The following DPP10 variants were observed in gnomAD, a reference collection of about 807,000 sequenced individuals.
DPP10 encodes the protein dipeptidyl peptidase like 10, also known as inactive dipeptidyl peptidase 10.
DPP10 carries 33 observed loss-of-function variants against 120.9 expected under a neutral mutation model. The observed-to-expected ratio is 0.27, with a 90% CI of 0.21 to 0.37. DPP10 has a LOEUF of 0.37. DPP10 is among the 10% of genes least tolerant of loss of function. The pLI, the probability that DPP10 is intolerant of heterozygous loss-of-function variation, is 1.00. For synonymous variants in DPP10, 337 were observed against 326.1 expected, an observed-to-expected ratio of 1.03 and a Z score of -0.36; for missense variants, 816 against 942.8, an observed-to-expected ratio of 0.87 and a Z score of 1.76.
intron 1 of DPP10, among the ~76,000 whole-genome samples, chr2:114,935,241 T>C (rs927152078): frequency 3.3e-5 from 5 of 151,622 alleles, no homozygotes; most frequent in Non-Finnish European, 5.9e-5. Flanking sequence ...CGTCATCGTT[T>C]CCCTTCTGTT....
At chr2:114,896,920 A>G (rs1013572704) in intron 1 of DPP10, among the ~76,000 whole-genome samples, 36 of 152,296 alleles carry the variant, frequency 2.4e-4, no homozygotes, top group Admixed American at 1.3e-3. Context: ...ATCAATACCT[A>G]ATTTACTGAG....
At position 114,898,420 on chromosome 2, in the gene DPP10, G is replaced by A. The variant is rs182440025; in HGVS notation, c.61-410819G>A. Among the ~76,000 whole-genome samples the A allele has an allele frequency of 2.3e-3, 351 of 151,878 alleles. 3 individuals carry two copies. The highest frequency in any genetic ancestry group is 8.0e-3 in the African/African-American group (332 of 41,390). ...GCTAAATGATGAGTTAATGGGTGCA[G>A]CACACCAACATGGCACATGTATACA... On this transcript the variant is annotated intron_variant, in intron 1 of 25. Coordinates refer to ENST00000410059, the MANE Select transcript of DPP10 (RefSeq NM_020868.6).
At chr2:115,400,826 G>A (rs1008224698) in intron 3 of DPP10, among the ~76,000 whole-genome samples, 6 of 152,136 alleles carry the variant, frequency 3.9e-5, no homozygotes, top group South Asian at 4.1e-4. Flanking sequence ...CACTCCCCAC[G>A]TCAATAGAGT....
At chr2:115,513,302 A>G (rs2077329378) in intron 4 of DPP10, among the ~76,000 whole-genome samples, 1 of 151,930 alleles carries the variant, frequency 6.6e-6, no homozygotes, top group South Asian at 2.1e-4. Flanking sequence ...TATACAGCAT[A>G]TAATTATTTT....
intron 10 of DPP10, among the ~76,000 whole-genome samples, chr2:115,748,129 T>C (rs1276836020): frequency 1.3e-5 from 2 of 152,084 alleles, no homozygotes; most frequent in Admixed American, 6.5e-5. Context: ...GTTTGTGTTG[T>C]GTTCATAGTA....
At chr2:114,495,619 A>T (rs1044011875) in intron 1 of DPP10, among the ~76,000 whole-genome samples, 1 of 152,224 alleles carries the variant, frequency 6.6e-6, no homozygotes, top group African/African-American at 2.4e-5. Flanking sequence ...TTGCAAAGGG[A>T]GGTTTTATCC....
intron 2 of DPP10, among the ~76,000 whole-genome samples, chr2:115,326,548 A>G (rs1408545475): frequency 6.6e-6 from 1 of 152,026 alleles, no homozygotes; most frequent in Non-Finnish European, 1.5e-5. Context: ...TTCAGGAGGT[A>G]TTCCAGAAGA....
rs1553475900 is a variant in DPP10 at position 115,672,642 on chromosome 2, T to TTCTTTCTC, written c.442-17042_442-17041insTTCTCTCT. 4.9e-5 allele frequency among the ~76,000 whole-genome samples: 7 copies of TTCTTTCTC among 142,548 alleles called. No individual in the cohort carries two copies. The East Asian group carries it at 6.1e-4, about 12-fold the overall frequency. 93.5% of individuals were successfully genotyped at this position (142,548 alleles called of 152,430 possible). Reference sequence around the variant, plus strand: ...GCCCCTTCTTTCTTTCTTTCTTTCTTTCTCTCTCTCTTTCTTTCTTTCTTT... The same window carrying TTCTTTCTC: ...GCCCCTTCTTTCTTTCTTTCTTTCTTTCTTTCTCTCTCTCTCTCTTTCTTTCTTTCTTT... On this transcript the variant is annotated intron_variant, in intron 5 of 25. Coordinates refer to ENST00000410059, the MANE Select transcript of DPP10 (RefSeq NM_020868.6).
chr2:114,691,382 C>T (rs1487653360), intron 1 of DPP10, among the ~76,000 whole-genome samples: 1 of 151,756 alleles, frequency 6.6e-6, no homozygotes, highest in Non-Finnish European at 1.5e-5. Flanking sequence ...GATTTGTGTA[C>T]ATTTAACTAA....
At chr2:115,341,405 A>C (rs1378044531) in intron 2 of DPP10, among the ~76,000 whole-genome samples, 3 of 152,092 alleles carry the variant, frequency 2.0e-5, no homozygotes, top group Non-Finnish European at 4.4e-5. Context: ...CCAATTATCA[A>C]CATCCCGCAC....
intron 19 of DPP10, among the ~76,000 whole-genome samples, chr2:115,806,247 G>T (rs1292321486): frequency 1.3e-5 from 2 of 152,050 alleles, no homozygotes; most frequent in African/African-American, 2.4e-5. Context: ...TATGCCAAAG[G>T]TATAAGTGAA....
rs1238103675 is a variant in DPP10 at position 115,613,238 on chromosome 2, TG to T, written c.442-76447del. On this transcript the variant is annotated intron_variant, in intron 5 of 25. Transcript: ENST00000410059. ...GTTCTTGGCATGGTATTGTGTGATT[TG>T]GTGCTTGACCAGGTGGGAGTCTCTT... Among the ~76,000 whole-genome samples, 4 of 152,318 alleles carry T rather than the reference TG, an allele frequency of 2.6e-5. No individual in the cohort carries two copies. The East Asian group carries it at 7.7e-4, about 29-fold the overall frequency.
intron 1 of DPP10, among the ~76,000 whole-genome samples, chr2:115,175,000 A>G (rs543876407): frequency 1.3e-5 from 2 of 152,316 alleles, no homozygotes; most frequent in Admixed American, 6.5e-5. Context: ...AATTGCACAC[A>G]AGGAAGTGAG....
chr2:115,305,240 G>C (rs549243424), intron 1 of DPP10, among the ~76,000 whole-genome samples: 9 of 152,144 alleles, frequency 5.9e-5, no homozygotes, highest in South Asian at 2.1e-4. Context: ...CATGTTCCTT[G>C]TCTAAGGCTG....
At chr2:115,308,956 C>T (rs1005980851) in intron 1 of DPP10, among the ~76,000 whole-genome samples, 2 of 151,988 alleles carry the variant, frequency 1.3e-5, no homozygotes, top group Admixed American at 6.6e-5. Flanking sequence ...AGTATTTTGG[C>T]TATCATCCTG....
intron 1 of DPP10, among the ~76,000 whole-genome samples, chr2:114,817,316 A>G (rs1434847516): frequency 6.9e-6 from 1 of 145,316 alleles, no homozygotes; most frequent in African/African-American, 2.5e-5. Flanking sequence ...AAAAAAAAAA[A>G]GGCTCACATG....
chr2:115,145,736 A>G (rs989145160), intron 1 of DPP10, among the ~76,000 whole-genome samples: 2 of 152,188 alleles, frequency 1.3e-5, no homozygotes, highest in African/African-American at 4.8e-5. Flanking sequence ...ACCAAATGGT[A>G]CAGTGGCTGT....
intron 1 of DPP10, among the ~76,000 whole-genome samples, chr2:114,630,231 T>A (rs1006160751): frequency 6.6e-6 from 1 of 152,148 alleles, no homozygotes; most frequent in Non-Finnish European, 1.5e-5. Context: ...TTTAGACAAA[T>A]GTAACAAGAA....
At chr2:114,822,453 A>G (rs908686557) in intron 1 of DPP10, among the ~76,000 whole-genome samples, 50 of 152,010 alleles carry the variant, frequency 3.3e-4, no homozygotes, top group Admixed American at 9.2e-4. Flanking sequence ...GGCTGCCACA[A>G]AGGTCTCTGA....
Sources: gnomAD v4.1 joint callset for allele counts (sites outside exome capture counted in the v4.1 genomes callset) on GRCh38, gnomAD v4.1.1 for gene constraint, MANE v1.5 for transcripts, NCBI Gene and HGNC (gene_info 2026-07-23, HGNC 2026-07-21) for gene names.